Variants in DSCAM observed in about 807,000 individuals in gnomAD.
The protein encoded by DSCAM is DS cell adhesion molecule, also known as cell adhesion molecule DSCAM.
Under a neutral mutation model 217.7 loss-of-function variants are expected in DSCAM, and 47 were observed. The observed-to-expected ratio is 0.22, with a 90% CI of 0.17 to 0.28. The LOEUF (loss-of-function observed/expected upper bound fraction) is 0.28. Among genes scored for constraint, DSCAM ranks in the 10% least tolerant of loss-of-function variants. The probability of loss-of-function intolerance (pLI) is 1.00; values close to 1 mark genes in which losing one functional copy is unlikely to be tolerated. For missense variants in DSCAM, 2,080 were observed against 2,618.3 expected (o/e 0.79, Z 4.49); for synonymous variants, 1,056 against 1,015.3 (o/e 1.04, Z -0.76).
intron 1 of DSCAM, among the ~76,000 whole-genome samples, chr21:40,812,503 C>G (rs967688093): frequency 1.3e-5 from 2 of 152,190 alleles, no homozygotes; most frequent in Admixed American, 6.5e-5. Context: ...CTTCCATTAC[C>G]TGTGCTCTCT....
At position 40,075,110 on chromosome 21, in the gene DSCAM, C is replaced by T. The variant is rs1454872395; in HGVS notation, c.4815G>A (p.Gly1605=). ...GCAGGAGCACAAACAGCAGCAAGAC[C>T]CCCACCAGGATACAGGAGATGGTCA... The part of the protein sequence containing the change: ...MLVTISCILV[G]VLLLFVLLLV... Residue 1605 remains glycine (G), a synonymous_variant, in exon 27 of 33, where the codon GGG becomes GGA. Transcript: ENST00000400454. The T allele has an allele frequency of 6.2e-7, 1 of 1,614,174 alleles. No homozygotes were observed. The highest frequency in any genetic ancestry group is 8.5e-7 in the Non-Finnish European group (1 of 1,180,024).
chr21:40,748,778 G>A, intron 1 of DSCAM, among the ~76,000 whole-genome samples: 1 of 152,022 alleles, frequency 6.6e-6, no homozygotes, highest in Middle Eastern at 3.4e-3. Flanking sequence ...AGAGCTAAAG[G>A]AATCTTCAGC....
intron 3 of DSCAM, among the ~76,000 whole-genome samples, chr21:40,406,688 T>C (rs1176621986): frequency 6.6e-6 from 1 of 152,196 alleles, no homozygotes; most frequent in Non-Finnish European, 1.5e-5. Context: ...CCTCTCAGGT[T>C]CAAGTGATTC....
At chr21:40,039,413 T>C (rs1006873858) in intron 32 of DSCAM, among the ~76,000 whole-genome samples, 6 of 152,084 alleles carry the variant, frequency 3.9e-5, no homozygotes, top group South Asian at 2.1e-4. Context: ...TTTCTATTAA[T>C]TGAAATATTT....
intron 1 of DSCAM, among the ~76,000 whole-genome samples, chr21:40,740,881 G>A (rs2091117012): frequency 6.6e-6 from 1 of 152,244 alleles, no homozygotes; most frequent in African/African-American, 2.4e-5. Context: ...ATGATGCTAA[G>A]CTCAGAAGAT....
chr21:40,631,813 G>A (rs926086), intron 3 of DSCAM, among the ~76,000 whole-genome samples: 11,190 of 152,226 alleles, frequency 0.074, 465 homozygotes, highest in Middle Eastern at 0.099. Flanking sequence ...TCCCCATGAG[G>A]CTTCCCAGTC....
intron 5 of DSCAM, among the ~76,000 whole-genome samples, chr21:40,349,834 G>A (rs2074609397): frequency 6.6e-6 from 1 of 151,992 alleles, no homozygotes; most frequent in Non-Finnish European, 1.5e-5. Context: ...ACAAATTATG[G>A]AAAACGAAAA....
chr21:40,428,421 C>T (rs1306351854), intron 3 of DSCAM, among the ~76,000 whole-genome samples: 4 of 151,992 alleles, frequency 2.6e-5, no homozygotes, highest in African/African-American at 9.7e-5. Flanking sequence ...CAGGCATGCA[C>T]CACCATGCCC....
In DSCAM at chr21:40,512,010, A is replaced by AAAAAAAAAAGAAAAT. The variant is rs61560593; in HGVS notation, c.509-142766_509-142765insATTTTCTTTTTTTTT. On this transcript the variant is annotated intron_variant, in intron 3 of 32. Coordinates refer to ENST00000400454, the MANE Select transcript of DSCAM (RefSeq NM_001389.5). ...TGTCTCAAAAAAAAAAAAAAAAAAA[A>AAAAAAAAAAGAAAAT]GTATTCTATTTGAGGTCTTGCTTTT... Among the ~76,000 whole-genome samples, 2 of 106,368 alleles carry AAAAAAAAAAGAAAAT rather than the reference A, an allele frequency of 1.9e-5. 1 individual carries two copies. Among genetic ancestry groups the AAAAAAAAAAGAAAAT allele is most frequent in the Non-Finnish European group, 3.7e-5 (2 of 54,112 alleles). The allele number at this position is 106,368 out of a possible 152,430, so 69.8% of individuals were successfully genotyped here.
intron 11 of DSCAM, among the ~76,000 whole-genome samples, chr21:40,190,602 C>T (rs2146833799): frequency 6.6e-6 from 1 of 152,336 alleles, no homozygotes; most frequent in East Asian, 1.9e-4. Context: ...ATTTATAAAA[C>T]TGGCCTGACT....
intron 3 of DSCAM, among the ~76,000 whole-genome samples, chr21:40,452,318 CT>C (rs1188778594): frequency 6.6e-6 from 1 of 151,398 alleles, no homozygotes; most frequent in Non-Finnish European, 1.5e-5. Context: ...ATCAATCTAA[CT>C]TGTGAAATAA....
chr21:40,013,008 C>G lies in DSCAM; in HGVS notation c.*26G>C, dbSNP rs774369927. 2.2e-6 allele frequency: 3 copies of G among 1,361,928 alleles called. No homozygotes were observed. In the East Asian group the frequency reaches 8.1e-5, roughly 37 times the overall value. 84.4% of individuals were successfully genotyped at this position (1,361,928 alleles called of 1,614,324 possible). A position where few individuals can be genotyped will look rare whatever the true frequency, so the allele number is the denominator to read the frequency against. Reference sequence around the variant, plus strand: ...GATTGAATTGTTTGAATTGTATTTACAACCGCTGTCCAGTCATGCTGTCTG... The same window carrying G: ...GATTGAATTGTTTGAATTGTATTTAGAACCGCTGTCCAGTCATGCTGTCTG... On this transcript the variant is annotated 3_prime_UTR_variant, in exon 33 of 33. Transcript: ENST00000400454.
chr21:40,753,693 T>C (rs912394908), intron 1 of DSCAM, among the ~76,000 whole-genome samples: 3 of 152,252 alleles, frequency 2.0e-5, no homozygotes, highest in Admixed American at 6.5e-5. Flanking sequence ...TTAAATGTCC[T>C]ATTTATCTCC....
At chr21:40,769,917 T>C (rs1455764793) in intron 1 of DSCAM, among the ~76,000 whole-genome samples, 2 of 152,192 alleles carry the variant, frequency 1.3e-5, no homozygotes, top group Non-Finnish European at 2.9e-5. Flanking sequence ...TTCCATCCAC[T>C]GATCCCCACC....
intron 3 of DSCAM, among the ~76,000 whole-genome samples, chr21:40,651,789 TTA>T (rs2090017498): frequency 6.6e-6 from 1 of 152,230 alleles, no homozygotes; most frequent in Admixed American, 6.5e-5. Context: ...AGGGAATACA[TTA>T]TGTTTGCTTT....
intron 1 of DSCAM, among the ~76,000 whole-genome samples, chr21:40,825,329 T>C (rs982400450): frequency 3.3e-5 from 5 of 149,584 alleles, no homozygotes; most frequent in Non-Finnish European, 5.9e-5. Flanking sequence ...TTTCTTCCTT[T>C]CTTTCTGAGA....
Position 40,134,077 on chromosome 21 carries a change from TC to T in DSCAM, c.3407-69del, listed in dbSNP as rs922097912. The T allele has an allele frequency of 1.1e-5, 17 of 1,541,960 alleles. No individual in the cohort carries two copies. In the Admixed American group the frequency reaches 1.3e-4, roughly 12 times the overall value. ...CATTTCTGCTCGTTTTTCCGCACTG[TC>T]CCCACTGACTGTCCCTGTGCCATGC... On this transcript the variant is annotated intron_variant, in intron 18 of 32. Transcript: ENST00000400454.
intron 8 of DSCAM, among the ~76,000 whole-genome samples, chr21:40,335,745 G>A (rs989733532): frequency 2.6e-5 from 4 of 152,180 alleles, no homozygotes; most frequent in African/African-American, 9.7e-5. Flanking sequence ...TTTTCAAAAT[G>A]TAGCTCACAG....
intron 16 of DSCAM, among the ~76,000 whole-genome samples, chr21:40,159,130 G>T (rs1206416127): frequency 6.6e-6 from 1 of 152,162 alleles, no homozygotes; most frequent in Non-Finnish European, 1.5e-5. Flanking sequence ...CAGCCGAGTT[G>T]CCATAATAAT....
Sources: allele counts gnomAD v4.1 joint callset (sites outside exome capture counted in the v4.1 genomes callset), GRCh38; gene constraint gnomAD v4.1.1; transcripts MANE v1.5; gene names NCBI Gene and HGNC (gene_info 2026-07-23, HGNC 2026-07-21).